The following BMAL2 variants were observed in gnomAD, a reference collection of about 807,000 sequenced individuals.
The protein encoded by BMAL2 is basic helix-loop-helix ARNT-like protein 2.
At chr12:27,385,583 A>T in the BMAL2 span, 4 of 1,498,964 alleles carry the variant, frequency 2.7e-6, no homozygotes, top group Middle Eastern at 1.8e-4. Context: ...ATATTTGTCT[A>T]AGTTGTGTAT....
At chr12:27,404,807 G>A in the BMAL2 span, among the ~76,000 whole-genome samples, 2 of 152,284 alleles carry the variant, frequency 1.3e-5, no homozygotes, top group Admixed American at 1.3e-4. Context: ...GTGAGGCATC[G>A]CCTCACCCGG....
At chr12:27,416,042 G>A in the BMAL2 span, 1 of 850,620 alleles carries the variant, frequency 1.2e-6, no homozygotes, top group African/African-American at 1.8e-5. Flanking sequence ...AAGCCATTCT[G>A]TCAAAAAAAA....
chr12:27,385,370 C>G, the BMAL2 span: 2 of 613,834 alleles, frequency 3.3e-6, no homozygotes, highest in Non-Finnish European at 5.8e-6. Flanking sequence ...CAGAAAATGT[C>G]TTAGAATGTG....
At chr12:27,358,639 C>T in the BMAL2 span, among the ~76,000 whole-genome samples, 2 of 152,260 alleles carry the variant, frequency 1.3e-5, no homozygotes, top group African/African-American at 2.4e-5. Context: ...CTCCCTTCCC[C>T]CAAACAGAAT....
chr12:27,422,615 T>C, the BMAL2 span: 1 of 152,248 alleles, frequency 6.6e-6, no homozygotes, highest in Non-Finnish European at 1.5e-5. Context: ...ACATCAGGTT[T>C]AGAATGAGCC....
chr12:27,376,956 G>C, the BMAL2 span, among the ~76,000 whole-genome samples: 517 of 128,698 alleles, frequency 4.0e-3, 2 homozygotes, highest in African/African-American at 0.015. Flanking sequence ...AGCCGAAATC[G>C]CGCCACTGCA....
chr12:27,380,736 G>A, the BMAL2 span, among the ~76,000 whole-genome samples: 4 of 152,130 alleles, frequency 2.6e-5, no homozygotes, highest in Non-Finnish European at 5.9e-5. Context: ...TGAGCTGGGC[G>A]TGGTGGCTCA....
the BMAL2 span, among the ~76,000 whole-genome samples, chr12:27,345,715 C>T: frequency 1.8e-4 from 28 of 152,086 alleles, no homozygotes; most frequent in African/African-American, 6.0e-4. Context: ...GTTGCCCAGG[C>T]GGGTCTCCAA....
chr12:27,405,573 A>T, the BMAL2 span, among the ~76,000 whole-genome samples: 16 of 152,372 alleles, frequency 1.1e-4, no homozygotes, highest in South Asian at 3.1e-3. Flanking sequence ...AACAGAAAGG[A>T]CATCCACACC....
At chr12:27,384,391 A>G in the BMAL2 span, among the ~76,000 whole-genome samples, 2 of 152,240 alleles carry the variant, frequency 1.3e-5, no homozygotes, top group South Asian at 4.1e-4. Context: ...TTTTTAAAAT[A>G]ATCTGTGTAT....
At chr12:27,337,123 A>G in the BMAL2 span, among the ~76,000 whole-genome samples, 3 of 152,132 alleles carry the variant, frequency 2.0e-5, no homozygotes, top group East Asian at 1.9e-4. Flanking sequence ...CTTTAATCTT[A>G]TGGTTTAAAT....
At chr12:27,383,691 C>T in the BMAL2 span, among the ~76,000 whole-genome samples, 5 of 152,160 alleles carry the variant, frequency 3.3e-5, no homozygotes, top group African/African-American at 7.2e-5. Context: ...ACTGCTGTTC[C>T]CTGACCTAGC....
the BMAL2 span, among the ~76,000 whole-genome samples, chr12:27,414,075 C>T: frequency 6.6e-5 from 10 of 151,984 alleles, no homozygotes; most frequent in African/African-American, 1.9e-4. Context: ...CCCTGCAAAA[C>T]TGTCATGAGA....
the BMAL2 span, among the ~76,000 whole-genome samples, chr12:27,418,871 C>T: frequency 2.6e-4 from 39 of 151,490 alleles, no homozygotes; most frequent in African/African-American, 8.2e-4. Flanking sequence ...CCCAGCTACT[C>T]GGGAGGCTGA....
chr12:27,348,959 A>AT, the BMAL2 span, among the ~76,000 whole-genome samples: 1 of 152,112 alleles, frequency 6.6e-6, no homozygotes, highest in Non-Finnish European at 1.5e-5. Context: ...AGGGTGGGAG[A>AT]TTTTGACGTT....
chr12:27,410,568 G>A, the BMAL2 span, among the ~76,000 whole-genome samples: 1 of 152,088 alleles, frequency 6.6e-6, no homozygotes, highest in Admixed American at 6.5e-5. Context: ...ACACAGGAAG[G>A]GGAACATCAC....
the BMAL2 span, chr12:27,400,867 C>G: frequency 9.1e-7 from 1 of 1,098,636 alleles, no homozygotes; most frequent in Non-Finnish European, 1.3e-6. Context: ...TTTTCTTTTT[C>G]TTTTTTCTGT....
chr12:27,340,468 C>T, the BMAL2 span, among the ~76,000 whole-genome samples: 1 of 152,130 alleles, frequency 6.6e-6, no homozygotes, highest in South Asian at 2.1e-4. Flanking sequence ...GTCTATATGT[C>T]TGTTTTTGTA....
chr12:27,414,011 C>A, the BMAL2 span, among the ~76,000 whole-genome samples: 1 of 151,868 alleles, frequency 6.6e-6, no homozygotes, highest in Non-Finnish European at 1.5e-5. Context: ...CCACTGCACT[C>A]CAGCATGGGC....
Sources: gnomAD v4.1 joint callset for allele counts (sites outside exome capture counted in the v4.1 genomes callset) on GRCh38, gnomAD v4.1.1 for gene constraint, MANE v1.5 for transcripts, NCBI Gene and HGNC (gene_info 2026-07-23, HGNC 2026-07-21) for gene names.